The following STAG1 variants were observed in gnomAD, a reference collection of about 807,000 sequenced individuals.
STAG1 encodes STAG1 cohesin complex component, also known as cohesin subunit SA-1.
STAG1 carries 26 observed loss-of-function variants against 170.9 expected under a neutral mutation model. The ratio of observed to expected loss-of-function variants is 0.15; its 90% CI spans 0.11 to 0.21. The LOEUF (loss-of-function observed/expected upper bound fraction) is 0.21. Among genes scored for constraint, STAG1 ranks in the 10% least tolerant of loss-of-function variants. The pLI is 1.00. For synonymous variants in STAG1, 514 were observed against 497.7 expected (o/e 1.03, Z -0.44); for missense variants, 964 against 1,509.5 (o/e 0.64, Z 5.99).
At position 136,477,429 on chromosome 3, in the gene STAG1, A is replaced by G. The variant is rs1281493508; in HGVS notation, c.903-17T>C. The G allele has an allele frequency of 1.3e-6, 2 of 1,586,634 alleles. No homozygotes were observed. The highest frequency in any genetic ancestry group is 1.7e-6 in the Non-Finnish European group (2 of 1,171,014). ...ATAGCATCACTAGAGAGAGAAAAAA[A>G]AGACAATCTCAAATTAATATACAAA... On this transcript the variant is annotated splice_polypyrimidine_tract_variant and intron_variant, in intron 9 of 33. Transcript: ENST00000383202.
intron 9 of STAG1, among the ~76,000 whole-genome samples, chr3:136,487,746 T>TC (rs2090045935): frequency 6.6e-6 from 1 of 152,238 alleles, no homozygotes; most frequent in Non-Finnish European, 1.5e-5. Context: ...TTTGCTCCTT[T>TC]CATTCCCCTT....
At chr3:136,722,082 G>C (rs1933311098) in intron 1 of STAG1, among the ~76,000 whole-genome samples, 1 of 151,386 alleles carries the variant, frequency 6.6e-6, no homozygotes, top group Non-Finnish European at 1.5e-5. Context: ...AAATAGCCAG[G>C]CATGGTGGTG....
intron 1 of STAG1, among the ~76,000 whole-genome samples, chr3:136,655,639 G>A (rs758895837): frequency 2.7e-4 from 41 of 152,124 alleles, no homozygotes; most frequent in African/African-American, 7.0e-4. Flanking sequence ...GGCGCATGCC[G>A]GTAGTTCCAG....
intron 14 of STAG1, among the ~76,000 whole-genome samples, chr3:136,448,957 C>A (rs1484903534): frequency 6.6e-6 from 1 of 151,900 alleles, no homozygotes; most frequent in Non-Finnish European, 1.5e-5. Context: ...TCTATTATTT[C>A]TAAAGTCTCT....
At chr3:136,727,150 ACTGT>A (rs1396169185) in intron 1 of STAG1, among the ~76,000 whole-genome samples, 3 of 147,338 alleles carry the variant, frequency 2.0e-5, no homozygotes, top group Non-Finnish European at 4.4e-5. Flanking sequence ...TTTACATGAT[ACTGT>A]CTCTCATGTA....
chr3:136,418,680 C>T (rs940387225), intron 20 of STAG1, among the ~76,000 whole-genome samples: 3 of 151,426 alleles, frequency 2.0e-5, no homozygotes, highest in Admixed American at 6.6e-5. Flanking sequence ...CTCGCTCCGT[C>T]GCCCAGGCTG....
intron 1 of STAG1, chr3:136,736,809 T>C (rs576861241): frequency 2.7e-5 from 43 of 1,586,102 alleles, no homozygotes; most frequent in African/African-American, 2.4e-4. Context: ...TCCTCTACAA[T>C]TGTAGGTTTT....
At chr3:136,342,310 C>T (rs907997105) in intron 30 of STAG1, among the ~76,000 whole-genome samples, 2 of 151,836 alleles carry the variant, frequency 1.3e-5, no homozygotes, top group African/African-American at 2.4e-5. Flanking sequence ...TGAGCCACCG[C>T]GCCCAGCCAG....
At chr3:136,387,914 T>C (rs1175122713) in intron 22 of STAG1, among the ~76,000 whole-genome samples, 3 of 152,176 alleles carry the variant, frequency 2.0e-5, no homozygotes, top group Non-Finnish European at 2.9e-5. Context: ...GCAGTGACTG[T>C]TAGGACCAAA....
intron 16 of STAG1, among the ~76,000 whole-genome samples, chr3:136,424,636 G>C (rs769909409): frequency 1.3e-5 from 2 of 151,874 alleles, no homozygotes; most frequent in Non-Finnish European, 2.9e-5. Flanking sequence ...CCCAGCCTGA[G>C]TGGTCATTTT....
chr3:136,711,076 T>C (rs1433118819), intron 1 of STAG1, among the ~76,000 whole-genome samples: 2 of 151,500 alleles, frequency 1.3e-5, no homozygotes, highest in South Asian at 2.1e-4. Context: ...TATATATATA[T>C]ATACTTACTA....
intron 7 of STAG1, among the ~76,000 whole-genome samples, chr3:136,515,149 G>A (rs919181057): frequency 3.3e-5 from 5 of 152,236 alleles, no homozygotes; most frequent in South Asian, 2.1e-4. Flanking sequence ...CGGACTGCCC[G>A]AGGTGAGGAG....
At position 136,642,649 on chromosome 3, in the gene STAG1, T is replaced by A. The variant is rs115374303; in HGVS notation, c.-83-11668A>T. Among the ~76,000 whole-genome samples, 1,097 of 152,316 alleles carry A rather than the reference T, an allele frequency of 7.2e-3. 21 individuals carry two copies. The highest frequency in any genetic ancestry group is 0.024 in the African/African-American group (988 of 41,560). Reference sequence around the variant, plus strand: ...TTTTGTATGGGAATAATTTCTCCCTTTATCTTTTATTCTTATACTTTGCAA... The same window carrying A: ...TTTTGTATGGGAATAATTTCTCCCTATATCTTTTATTCTTATACTTTGCAA... On this transcript the variant is annotated intron_variant, in intron 1 of 33. Coordinates refer to ENST00000383202, the MANE Select transcript of STAG1 (RefSeq NM_005862.3).
chr3:136,447,316 A>G (rs899392517), intron 14 of STAG1, among the ~76,000 whole-genome samples: 11 of 151,704 alleles, frequency 7.3e-5, no homozygotes, highest in South Asian at 2.1e-4. Flanking sequence ...CTAAAAATAC[A>G]AAAATTGCTG....
rs920443983 is a variant in STAG1, at chr3:136,565,299, T to G, written c.394+3466A>C. Among the ~76,000 whole-genome samples the G allele has an allele frequency of 2.6e-5, 4 of 152,160 alleles. 1 individual carries two copies. The highest frequency in any genetic ancestry group is 2.0e-4 in the Admixed American group (3 of 15,278). Reference sequence around the variant, plus strand: ...CTGAAGTTAAATACTTGATAAAGGTTTGGTATCCACAATATATACAACTCA... The same window carrying G: ...CTGAAGTTAAATACTTGATAAAGGTGTGGTATCCACAATATATACAACTCA... On this transcript the variant is annotated intron_variant, in intron 5 of 33. Coordinates refer to ENST00000383202, the MANE Select transcript of STAG1 (RefSeq NM_005862.3).
At chr3:136,606,767 T>C (rs79816799) in intron 3 of STAG1, among the ~76,000 whole-genome samples, 1 of 147,118 alleles carries the variant, frequency 6.8e-6, no homozygotes, top group Non-Finnish European at 1.5e-5. Flanking sequence ...TTTTTTTTTT[T>C]GGGGACGAAG....
chr3:136,536,345 T>C (rs531553051), intron 6 of STAG1, among the ~76,000 whole-genome samples: 18 of 152,194 alleles, frequency 1.2e-4, no homozygotes, highest in Admixed American at 2.0e-4. Context: ...TGACCAGGGT[T>C]GTCCAAACTG....
intron 4 of STAG1, among the ~76,000 whole-genome samples, chr3:136,579,590 G>A (rs1329206989): frequency 3.3e-5 from 5 of 152,158 alleles, no homozygotes; most frequent in Admixed American, 3.3e-4. Context: ...GCTGCCCACA[G>A]TTACTTTCTA....
At chr3:136,575,606 A>T (rs960744587) in intron 4 of STAG1, among the ~76,000 whole-genome samples, 2 of 149,710 alleles carry the variant, frequency 1.3e-5, no homozygotes, top group Non-Finnish European at 3.0e-5. Context: ...TTCTGATAAC[A>T]CAGCCACAGA....
Sources: allele counts gnomAD v4.1 joint callset (sites outside exome capture counted in the v4.1 genomes callset), GRCh38; gene constraint gnomAD v4.1.1; transcripts MANE v1.5; gene names NCBI Gene and HGNC (gene_info 2026-07-23, HGNC 2026-07-21).